ARHGAP5: variants seen among roughly 807,000 people sequenced by gnomAD.
ARHGAP5 encodes rho GTPase-activating protein 5.
A neutral mutation model predicts 116.6 loss-of-function variants in ARHGAP5; 23 were observed. The observed-to-expected ratio is 0.20, with a 90% CI of 0.14 to 0.28. The LOEUF (loss-of-function observed/expected upper bound fraction) is 0.28, where lower values mean the gene tolerates loss of function less well. Ranked by LOEUF, ARHGAP5 falls within the 10% of genes least tolerant of loss-of-function variation. ARHGAP5 has a pLI of 1.00. For synonymous variants in ARHGAP5, 574 were observed against 602.0 expected, an observed-to-expected ratio of 0.95 and a Z score of 0.68; for missense variants, 1,405 against 1,774.8, an observed-to-expected ratio of 0.79 and a Z score of 3.74.
At position 32,091,157 on chromosome 14, in the gene ARHGAP5, T is replaced by C. The variant is rs1878221940; in HGVS notation, c.488T>C (p.Ile163Thr). The C allele has an allele frequency of 1.2e-6, 2 of 1,613,646 alleles. No individual in the cohort carries two copies. Among genetic ancestry groups the C allele is most frequent in the Non-Finnish European group, 1.7e-6 (2 of 1,179,628 alleles). The stretch of plus-strand genomic sequence containing the variant: ...AACGTAGATGGATTTTTATTATGCA[T>C]TGATGTAAGTCAAGGATGCAATAGG... ...KLNVDGFLLCIDVSQGCNRKF... is the reference protein window; with the variant it reads ...KLNVDGFLLCTDVSQGCNRKF... Residue 163 changes from isoleucine to threonine, a missense_variant, in exon 2 of 7, where the codon ATT (isoleucine) becomes ACT (threonine). Physicochemically the swap from Ile to Thr is moderately conservative, Grantham distance 89. Transcript: ENST00000345122.
At position 32,077,326 on chromosome 14, in the gene ARHGAP5, G is replaced by A; in HGVS notation, c.-278G>A. 1.4e-6 allele frequency: 1 copy of A among 695,812 alleles called. No individual in the cohort carries two copies. 43.1% of individuals were successfully genotyped at this position (695,812 alleles called of 1,614,324 possible). A position where few individuals can be genotyped will look rare whatever the true frequency, so the allele number is the denominator to read the frequency against. On this transcript the variant is annotated 5_prime_UTR_variant, in exon 1 of 7. It adds an upstream start codon to the 5' untranslated region. Coordinates refer to ENST00000345122, the MANE Select transcript of ARHGAP5 (RefSeq NM_001030055.2). Reference sequence around the variant, plus strand: ...GCCGAGGAAGAGAGGCGAGCGGAGAGTGGAGGAGGAGGCGGCGGCGGCGGG... The same window carrying A: ...GCCGAGGAAGAGAGGCGAGCGGAGAATGGAGGAGGAGGCGGCGGCGGCGGG...
chr14:32,145,961 T>C (rs959070814), intron 3 of ARHGAP5, among the ~76,000 whole-genome samples: 1 of 152,194 alleles, frequency 6.6e-6, no homozygotes, highest in Non-Finnish European at 1.5e-5. Flanking sequence ...TGGGGTTTTT[T>C]TTTGGAGACA....
In ARHGAP5 at chr14:32,154,949, G is replaced by A. The variant is rs754349379; in HGVS notation, c.*1G>A. On this transcript the variant is annotated 3_prime_UTR_variant, in exon 7 of 7. Transcript: ENST00000345122. ...AACGGATCCTCTTGGTATTATATGA[G>A]TAGGAAGTGATTGCAAACAGGCTGG... 9 of 1,605,664 alleles carry A rather than the reference G, an allele frequency of 5.6e-6. No individual in the cohort carries two copies. Among genetic ancestry groups the A allele is most frequent in the African/African-American group, 1.3e-5 (1 of 74,662 alleles).
rs1052231478 is a variant in ARHGAP5, at chr14:32,127,423, T to C, written c.3865+10136T>C. ...AGCATTTGTTTAACAAAGCACATCT[T>C]GCACCGCCCTTAATCCATTTAACCC... On this transcript the variant is annotated intron_variant, in intron 3 of 6. Transcript: ENST00000345122. Among the ~76,000 whole-genome samples, 165 of 152,124 alleles carry C rather than the reference T, an allele frequency of 1.1e-3. 1 individual carries two copies. The highest frequency in any genetic ancestry group is 2.2e-3 in the Admixed American group (34 of 15,280).
chr14:32,127,862 G>A (rs971311767), intron 3 of ARHGAP5, among the ~76,000 whole-genome samples: 8 of 151,464 alleles, frequency 5.3e-5, no homozygotes, highest in African/African-American at 1.7e-4. Flanking sequence ...GGCAGCTGCC[G>A]GGCGGAGGGG....
At chr14:32,100,610 G>C (rs1878747606) in intron 2 of ARHGAP5, among the ~76,000 whole-genome samples, 1 of 152,190 alleles carries the variant, frequency 6.6e-6, no homozygotes, top group African/African-American at 2.4e-5. Flanking sequence ...GATATGCATA[G>C]ATTATATGCA....
intron 1 of ARHGAP5, 91 bp downstream of exon 1, chr14:32,077,526 C>G: frequency 1.6e-6 from 1 of 641,818 alleles, no homozygotes; most frequent in Non-Finnish European, 2.8e-6. Context: ...TCGGTCGCCG[C>G]TGCCGGTTGT....
chr14:32,106,607 C>T (rs1003001464), intron 2 of ARHGAP5, among the ~76,000 whole-genome samples: 3 of 152,068 alleles, frequency 2.0e-5, no homozygotes, highest in Non-Finnish European at 2.9e-5. Context: ...GATCCCTGTC[C>T]GTACAAAGTG....
rs2041718440 is a variant in ARHGAP5 at position 32,077,488 on chromosome 14, G to A, written c.-169+53G>A. The A allele has an allele frequency of 8.8e-6, 6 of 683,508 alleles. No homozygotes were observed. The Admixed American group carries it at 1.3e-4, about 14-fold the overall frequency. 42.3% of individuals were successfully genotyped at this position (683,508 alleles called of 1,614,324 possible). ...AAGCCTGCCTGCCCCCTCCCGGACG[G>A]GGACCCTCCTGCGGCTAGCTGCCCC... On this transcript the variant is annotated intron_variant, in intron 1 of 6. Transcript: ENST00000345122.
At chr14:32,136,109 A>G (rs1488259771) in intron 3 of ARHGAP5, among the ~76,000 whole-genome samples, 1 of 152,128 alleles carries the variant, frequency 6.6e-6, no homozygotes, top group Non-Finnish European at 1.5e-5. Flanking sequence ...TCTTCCCAGC[A>G]TGGGCTTTTA....
At chr14:32,110,663 C>T (rs1433137315) in intron 2 of ARHGAP5, among the ~76,000 whole-genome samples, 2 of 152,148 alleles carry the variant, frequency 1.3e-5, no homozygotes, top group African/African-American at 2.4e-5. Context: ...CATTCTAGCT[C>T]TCTGTAGAGA....
Position 32,097,782 on chromosome 14 carries a change from A to G in ARHGAP5, c.3717+3396A>G, listed in dbSNP as rs188309943. On this transcript the variant is annotated intron_variant, in intron 2 of 6. Coordinates refer to ENST00000345122, the MANE Select transcript of ARHGAP5 (RefSeq NM_001030055.2). ...TTATTAGAGTTAACAAAATAGTTTG[A>G]TATAAGATCAGTAATCAAAAATAGG... Among the ~76,000 whole-genome samples, 36 of 152,334 alleles carry G rather than the reference A, an allele frequency of 2.4e-4. No homozygotes were observed. The East Asian group carries it at 3.7e-3, about 15-fold the overall frequency.
rs543034265 is a variant in ARHGAP5, at chr14:32,114,227, C to CAAA, written c.3718-2901_3718-2899dup. On this transcript the variant is annotated intron_variant, in intron 2 of 6. Coordinates refer to ENST00000345122, the MANE Select transcript of ARHGAP5 (RefSeq NM_001030055.2). ...TGGGCCACAGAGCTAGACTCCGTCTCAAAAAAAAAAAAAATCTACCCAAGT... is the reference window on the plus strand; with the variant it reads ...TGGGCCACAGAGCTAGACTCCGTCTCAAAAAAAAAAAAAAAAATCTACCCAAGT... Among the ~76,000 whole-genome samples the CAAA allele has an allele frequency of 1.9e-3, 269 of 139,410 alleles. 2 individuals are homozygous for CAAA. The highest frequency in any genetic ancestry group is 6.8e-3 in the African/African-American group (259 of 38,346). 91.5% of individuals were successfully genotyped at this position (139,410 alleles called of 152,430 possible). A position where few individuals can be genotyped will look rare whatever the true frequency, so the allele number is the denominator to read the frequency against.
At position 32,092,811 on chromosome 14, in the gene ARHGAP5, C is replaced by A; in HGVS notation, c.2142C>A (p.Leu714=). 1 of 1,614,074 alleles carries A rather than the reference C, an allele frequency of 6.2e-7. No individual in the cohort carries two copies. The change falls in exon 2 of 7, where the codon CTC becomes CTA. Residue 714 remains leucine, a synonymous_variant. Transcript: ENST00000345122. The surrounding 1 kb of genome is among the most constrained non-coding windows in gnomAD (Gnocchi z 4.1). ...CCATTAGTAAGAATCTACCAATTCT[C>A]AGGCACCAAGGGCAGCAGTTGGCAA... The part of the protein sequence containing the change: ...RDSISKNLPI[L]RHQGQQLANK...
chr14:32,152,667 T>A (rs1881696668), intron 6 of ARHGAP5, 139 bp downstream of exon 6: 1 of 489,912 alleles, frequency 2.0e-6, no homozygotes, highest in Non-Finnish European at 3.6e-6. Flanking sequence ...TTTTTCTAAT[T>A]TATATCTAAA....
Position 32,146,291 on chromosome 14 carries a change from C to T in ARHGAP5, c.3894C>T (p.Val1298=). 6.2e-7 allele frequency: 1 copy of T among 1,613,068 alleles called. No homozygotes were observed. The highest frequency in any genetic ancestry group is 1.1e-5 in the South Asian group (1 of 91,018). Residue 1298 remains valine, a synonymous_variant, in exon 4 of 7, where the codon GTC becomes GTT. Coordinates refer to ENST00000345122, the MANE Select transcript of ARHGAP5 (RefSeq NM_001030055.2). ...TGLCTEGLYR[V]SGNKTDQDNI... The stretch of plus-strand genomic sequence containing the variant: ...TATGTACCGAAGGACTCTACCGTGT[C>T]AGCGGGAATAAAACTGACCAAGACA...
At chr14:32,118,112 T>C (rs1362689617) in intron 3 of ARHGAP5, among the ~76,000 whole-genome samples, 1 of 152,230 alleles carries the variant, frequency 6.6e-6, no homozygotes, top group Admixed American at 6.5e-5. Context: ...ATCATGCTCA[T>C]TTTTCACATG....
Position 32,094,210 on chromosome 14 carries a change from T to G in ARHGAP5, c.3541T>G (p.Phe1181Val). Residue 1181 changes from phenylalanine to valine, a missense_variant, in exon 2 of 7, where the codon TTC (phenylalanine) becomes GTC (valine). This residue lies in a region of ARHGAP5 where 944 missense variants were observed against 1,095.3 expected (regional missense o/e 0.86). Coordinates refer to ENST00000345122, the MANE Select transcript of ARHGAP5 (RefSeq NM_001030055.2). ...THSDASDDEA[F>V]TTSKTKRKGR... is the part of the protein sequence containing the mutation. ...TTCAGATGCCAGTGATGATGAGGCT[T>G]TCACCACTTCTAAAACAAAAAGAAA... 1 of 1,612,952 alleles carries G rather than the reference T, an allele frequency of 6.2e-7. No individual in the cohort carries two copies. The highest frequency in any genetic ancestry group is 1.1e-5 in the South Asian group (1 of 90,788).
intron 1 of ARHGAP5, chr14:32,078,229 T>A (rs1317348085): frequency 6.6e-6 from 1 of 152,232 alleles, no homozygotes; most frequent in East Asian, 1.9e-4. Context: ...CCCTCCCTCT[T>A]CAGCGTTATT....
Sources: gnomAD v4.1 joint callset for allele counts (sites outside exome capture counted in the v4.1 genomes callset) on GRCh38, gnomAD v4.1.1 for gene constraint, gnomAD v4.1.1 regional missense constraint, Gnocchi (gnomAD v3.1) non-coding constraint, MANE v1.5 for transcripts, NCBI Gene and HGNC (gene_info 2026-07-23, HGNC 2026-07-21) for gene names.